CMIP: variants seen among roughly 807,000 people sequenced by gnomAD.
The protein encoded by CMIP is C-Maf-inducing protein.
In CMIP, 13 loss-of-function variants were observed where a neutral mutation model predicts 97.3. The observed-to-expected ratio is 0.13, with a 90% confidence interval of 0.09 to 0.21. CMIP has a LOEUF of 0.21. Ranked by LOEUF, CMIP falls within the 10% of genes least tolerant of loss-of-function variation. The pLI is 1.00. For missense variants in CMIP, 847 were observed against 1,024.9 expected, an observed-to-expected ratio of 0.83 and a Z score of 2.37; for synonymous variants, 538 against 436.3, an observed-to-expected ratio of 1.23 and a Z score of -2.91.
chr16:81,540,078 A>AG (rs1165444932), intron 1 of CMIP, among the ~76,000 whole-genome samples: 1 of 152,214 alleles, frequency 6.6e-6, no homozygotes, highest in East Asian at 1.9e-4. Context: ...CCACCTTGAA[A>AG]GGTCGTTTTT....
rs556794263 is a variant in CMIP at position 81,679,888 on chromosome 16, C to T, written c.1388+1260C>T. Among the ~76,000 whole-genome samples, 46 of 152,284 alleles carry T rather than the reference C, an allele frequency of 3.0e-4. No homozygotes were observed. The East Asian group carries it at 8.7e-3, about 29-fold the overall frequency. On this transcript the variant is annotated intron_variant, in intron 10 of 20. Transcript: ENST00000537098. The stretch of plus-strand genomic sequence containing the variant: ...CTCATTGACTGTTCCCTTCTGCCCC[C>T]CACAGAGCCATGTGGTTCCACAGAC...
Position 81,627,422 on chromosome 16 carries a change from A to G in CMIP, c.477+6496A>G, listed in dbSNP as rs1368821347. Among the ~76,000 whole-genome samples, 1 of 151,806 alleles carries G rather than the reference A, an allele frequency of 6.6e-6. No individual in the cohort carries two copies. The highest frequency in any genetic ancestry group is 1.5e-5 in the Non-Finnish European group (1 of 67,918). On this transcript the variant is annotated intron_variant, in intron 3 of 20. Transcript: ENST00000537098. This position sits in a 1 kb window ranked among gnomAD's most constrained non-coding sequence, Gnocchi z 4.6. ...ATCCTGGTAGGAGCCCACGCGTGGG[A>G]GCCTCTCATGCGCCATCATCAGTGT...
At chr16:81,470,571 G>A (rs376645157) in intron 1 of CMIP, among the ~76,000 whole-genome samples, 9 of 152,226 alleles carry the variant, frequency 5.9e-5, no homozygotes, top group African/African-American at 1.7e-4. Context: ...CCACCACGAA[G>A]GTGGAGTCTT....
At chr16:81,500,789 C>T (rs567249379) in intron 1 of CMIP, among the ~76,000 whole-genome samples, 46 of 152,072 alleles carry the variant, frequency 3.0e-4, no homozygotes, top group South Asian at 1.2e-3. Context: ...GTGCCCTCCC[C>T]GGCCCACTGT....
Position 81,621,447 on chromosome 16 carries a change from T to G in CMIP, c.477+521T>G, listed in dbSNP as rs1460653239. 6.5e-6 allele frequency: 1 copy of G among 154,028 alleles called. No homozygotes were observed. The highest frequency in any genetic ancestry group is 1.4e-5 in the Non-Finnish European group (1 of 69,068). The allele number at this position is 154,028 out of a possible 1,614,324, so 9.5% of individuals were successfully genotyped here. On this transcript the variant is annotated intron_variant, in intron 3 of 20. Coordinates refer to ENST00000537098, the MANE Select transcript of CMIP (RefSeq NM_198390.3). The surrounding 1 kb of genome is among the most constrained non-coding windows in gnomAD (Gnocchi z 4.1). ...TCTGGCACATAAAGGGAACTTCATC[T>G]TCTTGGAGACCCAGGGGCAGATCTT...
In CMIP at chr16:81,506,620, A is replaced by C. The variant is rs1394218657; in HGVS notation, c.300+61079A>C. Among the ~76,000 whole-genome samples the C allele has an allele frequency of 2.0e-5, 3 of 152,270 alleles. No homozygotes were observed. In the East Asian group the frequency reaches 5.8e-4, roughly 29 times the overall value. ...AGATGATCAAGTGGGAAGAAAATAA[A>C]GTGGAACTTTGAGTTTGAAATGGCT... On this transcript the variant is annotated intron_variant, in intron 1 of 20. Transcript: ENST00000537098.
At chr16:81,693,797 C>T (rs1313655617) in intron 13 of CMIP, among the ~76,000 whole-genome samples, 1 of 152,186 alleles carries the variant, frequency 6.6e-6, no homozygotes, top group Admixed American at 6.5e-5. Context: ...GCATTTTGAT[C>T]CTGTCTGGTT....
chr16:81,455,575 C>T (rs756509931), intron 1 of CMIP, among the ~76,000 whole-genome samples: 8 of 152,156 alleles, frequency 5.3e-5, no homozygotes, highest in Non-Finnish European at 7.4e-5. Context: ...GGGCTCTGTC[C>T]GTACTGAAAG....
chr16:81,595,034 G>GTCTCTCTCTCTC (rs60887695), intron 1 of CMIP, among the ~76,000 whole-genome samples: 7 of 145,716 alleles, frequency 4.8e-5, no homozygotes, highest in African/African-American at 1.5e-4. Context: ...ATATCATGTG[G>GTCTCTCTCTCTC]TCTCTCTCTC....
intron 1 of CMIP, among the ~76,000 whole-genome samples, chr16:81,582,025 A>G (rs2091304194): frequency 6.6e-6 from 1 of 152,188 alleles, no homozygotes; most frequent in South Asian, 2.1e-4. Flanking sequence ...GAGCCAGCAC[A>G]TCACATGGCT....
At chr16:81,501,676 A>G (rs1010915620) in intron 1 of CMIP, among the ~76,000 whole-genome samples, 4 of 144,280 alleles carry the variant, frequency 2.8e-5, no homozygotes, top group African/African-American at 1.0e-4. Flanking sequence ...CAGTGTCGTG[A>G]TCTCAGCTCA....
chr16:81,481,765 C>G (rs2150756970), intron 1 of CMIP, among the ~76,000 whole-genome samples: 1 of 152,172 alleles, frequency 6.6e-6, no homozygotes, highest in South Asian at 2.1e-4. Context: ...AGGGAAGGGT[C>G]TGTTGCCTTT....
intron 1 of CMIP, among the ~76,000 whole-genome samples, chr16:81,570,199 T>G (rs1484892365): frequency 2.0e-5 from 3 of 152,174 alleles, no homozygotes; most frequent in Non-Finnish European, 4.4e-5. Flanking sequence ...AATTTCCACT[T>G]GTGTGGCTGC....
chr16:81,582,727 G>A (rs1452562823), intron 1 of CMIP, among the ~76,000 whole-genome samples: 4 of 152,168 alleles, frequency 2.6e-5, no homozygotes, highest in Non-Finnish European at 5.9e-5. Context: ...CCTGACTAGT[G>A]TATTGCTTGG....
chr16:81,543,999 G>T (rs2090496399), intron 1 of CMIP, among the ~76,000 whole-genome samples: 1 of 152,190 alleles, frequency 6.6e-6, no homozygotes, highest in African/African-American at 2.4e-5. Context: ...CATTTTTATT[G>T]CATCCACCTG....
At chr16:81,584,703 C>G (rs978437447) in intron 1 of CMIP, among the ~76,000 whole-genome samples, 1 of 152,176 alleles carries the variant, frequency 6.6e-6, no homozygotes, top group Non-Finnish European at 1.5e-5. Context: ...GTCCATCATC[C>G]GAATTATCAA....
intron 20 of CMIP, among the ~76,000 whole-genome samples, chr16:81,709,391 G>A (rs1369600566): frequency 6.6e-6 from 1 of 152,202 alleles, no homozygotes; most frequent in Non-Finnish European, 1.5e-5. Context: ...GCCCACAGAG[G>A]AAGAAACTGA....
At chr16:81,485,482 G>A (rs1046152111) in intron 1 of CMIP, among the ~76,000 whole-genome samples, 5 of 152,218 alleles carry the variant, frequency 3.3e-5, no homozygotes, top group Admixed American at 3.3e-4. Context: ...GGACGTCCCA[G>A]CTTGTAGACA....
At chr16:81,499,724 G>T (rs936134119) in intron 1 of CMIP, among the ~76,000 whole-genome samples, 7 of 152,250 alleles carry the variant, frequency 4.6e-5, no homozygotes, top group Non-Finnish European at 1.0e-4. Flanking sequence ...AGGAGACTCA[G>T]CTTCCCCGTC....
Sources: allele counts gnomAD v4.1 joint callset (sites outside exome capture counted in the v4.1 genomes callset), GRCh38; gene constraint gnomAD v4.1.1; non-coding constraint Gnocchi (gnomAD v3.1); transcripts MANE v1.5; gene names NCBI Gene and HGNC (gene_info 2026-07-23, HGNC 2026-07-21).